Variants in ZNF267 observed in about 807,000 individuals in gnomAD.
ZNF267 encodes zinc finger (C2H2).
ZNF267 carries 61 observed loss-of-function variants against 71.6 expected under a neutral mutation model. That is an observed-to-expected ratio of 0.85 (90% CI 0.69 to 1.05). The LOEUF (loss-of-function observed/expected upper bound fraction) is 1.05. ZNF267 is among the 50% of genes least tolerant of loss of function. The probability of loss-of-function intolerance (pLI) is 0.00; values close to 1 mark genes in which losing one functional copy is unlikely to be tolerated. For missense variants in ZNF267, 852 were observed against 870.0 expected (o/e 0.98, Z 0.26); for synonymous variants, 288 against 293.2 (o/e 0.98, Z 0.18).
intron 3 of ZNF267, among the ~76,000 whole-genome samples, chr16:31,895,503 G>C (rs546788819): frequency 6.6e-6 from 1 of 152,122 alleles, no homozygotes; most frequent in Non-Finnish European, 1.5e-5. Flanking sequence ...TTGCTGGATC[G>C]TATGGTACCT....
At chr16:31,901,484 G>C (rs371082920) in intron 3 of ZNF267, among the ~76,000 whole-genome samples, 1 of 152,118 alleles carries the variant, frequency 6.6e-6, no homozygotes, top group Non-Finnish European at 1.5e-5. Flanking sequence ...TTTAATGATC[G>C]CCATTCTAAC....
intron 1 of ZNF267, among the ~76,000 whole-genome samples, chr16:31,880,042 C>T (rs1435475381): frequency 6.6e-6 from 1 of 152,194 alleles, no homozygotes; most frequent in Non-Finnish European, 1.5e-5. Flanking sequence ...CAGCAATACA[C>T]AAGAATTGCA....
At chr16:31,906,805 TC>T (rs1482328772) in intron 3 of ZNF267, among the ~76,000 whole-genome samples, 1 of 151,776 alleles carries the variant, frequency 6.6e-6, no homozygotes, top group Non-Finnish European at 1.5e-5. Flanking sequence ...TGTCTGGCAC[TC>T]CCCAGTGAGA....
At chr16:31,890,160 T>C (rs2083950641) in intron 3 of ZNF267, 1 of 152,202 alleles carries the variant, frequency 6.6e-6, no homozygotes, top group Non-Finnish European at 1.5e-5. Context: ...GAACTCTTTT[T>C]TTTTATTAGT....
At chr16:31,894,694 T>A in intron 3 of ZNF267, 1 of 479,810 alleles carries the variant, frequency 2.1e-6, no homozygotes, top group East Asian at 5.5e-5. Flanking sequence ...GAGATACCGC[T>A]CATGCCTGGA....
chr16:31,888,996 T>C (rs1214708242), intron 3 of ZNF267, among the ~76,000 whole-genome samples: 1 of 152,080 alleles, frequency 6.6e-6, no homozygotes, highest in Non-Finnish European at 1.5e-5. Context: ...ATTATTAGTC[T>C]TTTGGGTATT....
chr16:31,898,182 A>G (rs181030345), intron 3 of ZNF267, among the ~76,000 whole-genome samples: 98 of 152,276 alleles, frequency 6.4e-4, no homozygotes, highest in Non-Finnish European at 1.0e-3. Context: ...TGCTTGTTAT[A>G]GCTTTCTGGT....
At chr16:31,884,754 TTGTTGAAGTA>T in intron 2 of ZNF267, 130 bp downstream of exon 2, 1 of 947,586 alleles carries the variant, frequency 1.1e-6, no homozygotes, top group South Asian at 2.1e-5. Context: ...AATAGGGGTT[TTGTTGAAGTA>T]GAAAAAATTT....
chr16:31,907,391 A>G (rs1054675214), intron 3 of ZNF267, among the ~76,000 whole-genome samples: 1 of 151,918 alleles, frequency 6.6e-6, no homozygotes, highest in Admixed American at 6.6e-5. Context: ...TGCCTTCCTG[A>G]CTTCAAAATT....
At chr16:31,905,395 C>G (rs564787632) in intron 3 of ZNF267, among the ~76,000 whole-genome samples, 3 of 152,322 alleles carry the variant, frequency 2.0e-5, no homozygotes, top group East Asian at 1.9e-4. Context: ...CAACTTGGTT[C>G]CATTCTCCTC....
intron 3 of ZNF267, among the ~76,000 whole-genome samples, chr16:31,888,225 T>C (rs2083937194): frequency 5.3e-5 from 8 of 152,108 alleles, no homozygotes. Context: ...GCCTCAACTT[T>C]ACTGAATGGA....
intron 3 of ZNF267, among the ~76,000 whole-genome samples, chr16:31,901,414 C>G (rs1427840479): frequency 1.3e-5 from 2 of 152,206 alleles, no homozygotes. Flanking sequence ...TACAGTCCCA[C>G]CAACAGTGTA....
At chr16:31,889,330 A>T (rs2083945014) in intron 3 of ZNF267, among the ~76,000 whole-genome samples, 1 of 150,762 alleles carries the variant, frequency 6.6e-6, no homozygotes, top group African/African-American at 2.4e-5. Flanking sequence ...GTTCTTCTTG[A>T]TCAAGCTCCT....
chr16:31,890,310 T>C (rs2083951784), intron 3 of ZNF267: 1 of 152,240 alleles, frequency 6.6e-6, no homozygotes, highest in Non-Finnish European at 1.5e-5. Flanking sequence ...TACATAGTTT[T>C]AGTTTCTATA....
chr16:31,890,987 A>G (rs767098279), intron 3 of ZNF267, among the ~76,000 whole-genome samples: 2 of 152,118 alleles, frequency 1.3e-5, no homozygotes, highest in Non-Finnish European at 2.9e-5. Flanking sequence ...ATTTACTATT[A>G]CAGTTTTATT....
At chr16:31,891,880 A>AT (rs2083962804) in intron 3 of ZNF267, among the ~76,000 whole-genome samples, 1 of 152,224 alleles carries the variant, frequency 6.6e-6, no homozygotes, top group South Asian at 2.1e-4. Context: ...ACCTGAAAAT[A>AT]TGGAAGCAAC....
intron 3 of ZNF267, 37 bp from the exon 4 acceptor site, chr16:31,914,439 T>C (rs569664416): frequency 1.0e-5 from 15 of 1,494,214 alleles, no homozygotes; most frequent in East Asian, 2.3e-5. Flanking sequence ...TACCTGAATA[T>C]AGTAATTGGA....
Position 31,916,047 on chromosome 16 carries a change from GGA to G in ZNF267, c.1803_1804del (p.Lys602ThrfsTer5). 1 of 1,613,998 alleles carries G rather than the reference GGA, an allele frequency of 6.2e-7. No homozygotes were observed. The highest frequency in any genetic ancestry group is 8.5e-7 in the Non-Finnish European group (1 of 1,180,012). ...TACTGTGCATCGGCGAACTCATACT[GGA>G]GAGAAACCCTATACATGTAAAGAAT... ...GLTVHRRTHT[G>X]EKPYTCKECG... On this transcript the variant is annotated frameshift_variant, in exon 4 of 4. Coordinates refer to ENST00000300870, the MANE Select transcript of ZNF267 (RefSeq NM_003414.6). LOFTEE classifies it high-confidence loss of function.
Position 31,914,959 on chromosome 16 carries a change from AT to A in ZNF267, c.712del (p.Tyr238IlefsTer3). The A allele has an allele frequency of 6.2e-7, 1 of 1,609,616 alleles. No homozygotes were observed. The highest frequency in any genetic ancestry group is 8.5e-7 in the Non-Finnish European group (1 of 1,178,756). ...QSSSPKNHQENYFLEKQYKCK... is the reference protein window; with the variant it reads ...QSSSPKNHQEXYFLEKQYKCK... ...TCAAGCCCTAAAAATCATCAGGAAAATTATTTTCTAGAAAAACAATACAAAT... is the reference window on the plus strand; with the variant it reads ...TCAAGCCCTAAAAATCATCAGGAAAATATTTTCTAGAAAAACAATACAAAT... On this transcript the variant is annotated frameshift_variant, in exon 4 of 4. Transcript: ENST00000300870. LOFTEE classifies it high-confidence loss of function.
Sources: gnomAD v4.1 joint callset for allele counts (sites outside exome capture counted in the v4.1 genomes callset) on GRCh38, gnomAD v4.1.1 for gene constraint, MANE v1.5 for transcripts, NCBI Gene and HGNC (gene_info 2026-07-23, HGNC 2026-07-21) for gene names.